PTPRN2: variants seen among roughly 807,000 people sequenced by gnomAD.
The protein encoded by PTPRN2 is receptor-type tyrosine-protein phosphatase N2.
A neutral mutation model predicts 118.8 loss-of-function variants in PTPRN2; 74 were observed. That is an observed-to-expected ratio of 0.62 (90% CI 0.52 to 0.76). The LOEUF (loss-of-function observed/expected upper bound fraction) is 0.76. Ranked by LOEUF, PTPRN2 falls within the 30% of genes least tolerant of loss-of-function variation. PTPRN2 has a pLI of 0.00. For missense variants in PTPRN2, 1,481 were observed against 1,394.4 expected (o/e 1.06, Z -0.99); for synonymous variants, 641 against 608.0 (o/e 1.05, Z -0.80).
chr7:158,276,614 A>G (rs1278347875), intron 3 of PTPRN2, among the ~76,000 whole-genome samples: 1 of 140,360 alleles, frequency 7.1e-6, no homozygotes, highest in Non-Finnish European at 1.6e-5. Context: ...CTTCTTTATT[A>G]ACTTGGCCCC....
At chr7:157,545,436 GGTGTGTGCAGGT>G (rs1466566089) in intron 22 of PTPRN2, among the ~76,000 whole-genome samples, 6 of 149,634 alleles carry the variant, frequency 4.0e-5, no homozygotes, top group African/African-American at 1.5e-4. Context: ...TGTATGCATG[GGTGTGTGCAGGT>G]GTGTGGGTGT....
At position 157,845,295 on chromosome 7, in the gene PTPRN2, C is replaced by T. The variant is rs987705659; in HGVS notation, c.1788+53378G>A. ...CGATGGCCTTTCTGTCCTCCCTGCACCACCCAGAGGACATACACAGAGTGA... is the reference window on the plus strand; with the variant it reads ...CGATGGCCTTTCTGTCCTCCCTGCATCACCCAGAGGACATACACAGAGTGA... On this transcript the variant is annotated intron_variant, in intron 12 of 22. Coordinates refer to ENST00000389418, the MANE Select transcript of PTPRN2 (RefSeq NM_002847.5). This position sits in a 1 kb window ranked among gnomAD's most constrained non-coding sequence, Gnocchi z 4.5. Among the ~76,000 whole-genome samples, 1 of 152,214 alleles carries T rather than the reference C, an allele frequency of 6.6e-6. No homozygotes were observed. The highest frequency in any genetic ancestry group is 1.5e-5 in the Non-Finnish European group (1 of 68,046).
chr7:158,208,667 T>G (rs553297086), intron 3 of PTPRN2, among the ~76,000 whole-genome samples: 1 of 152,276 alleles, frequency 6.6e-6, no homozygotes, highest in African/African-American at 2.4e-5. Context: ...TTCTTCCGTC[T>G]GAAATAAAAG....
rs1162890191 is a variant in PTPRN2, at chr7:158,482,703, A to G, written c.163+7032T>C. On this transcript the variant is annotated intron_variant, in intron 2 of 22. Coordinates refer to ENST00000389418, the MANE Select transcript of PTPRN2 (RefSeq NM_002847.5). Reference sequence around the variant, plus strand: ...GCAGTGCCCTGGAATTGAACCCACAATATCTCCGAGGTCTGCCTGTAGATG... The same window carrying G: ...GCAGTGCCCTGGAATTGAACCCACAGTATCTCCGAGGTCTGCCTGTAGATG... Among the ~76,000 whole-genome samples, 6 of 152,098 alleles carry G rather than the reference A, an allele frequency of 3.9e-5. 1 individual carries two copies. Among genetic ancestry groups the G allele is most frequent in the Admixed American group, 3.9e-4 (6 of 15,278 alleles).
intron 12 of PTPRN2, among the ~76,000 whole-genome samples, chr7:157,816,007 A>T (rs1319301395): frequency 6.6e-6 from 1 of 152,306 alleles, no homozygotes; most frequent in Non-Finnish European, 1.5e-5. Flanking sequence ...AGATGTGAAG[A>T]TGTGCTCTCA....
rs748862088 is a variant in PTPRN2, at chr7:157,674,256, C to T, written c.2001+8469G>A. Among the ~76,000 whole-genome samples the T allele has an allele frequency of 6.6e-6, 1 of 152,146 alleles. No homozygotes were observed. Among genetic ancestry groups the T allele is most frequent in the Non-Finnish European group, 1.5e-5 (1 of 68,016 alleles). On this transcript the variant is annotated intron_variant, in intron 13 of 22. Transcript: ENST00000389418. The surrounding 1 kb of genome is among the most constrained non-coding windows in gnomAD (Gnocchi z 4.5). ...GGACTTGGGCCTGGGAGAGAAGAGACAGCCAGGCGGCGAGGGACTTGTCCT... is the reference window on the plus strand; with the variant it reads ...GGACTTGGGCCTGGGAGAGAAGAGATAGCCAGGCGGCGAGGGACTTGTCCT...
At chr7:158,523,228 G>T (rs955536592) in intron 1 of PTPRN2, among the ~76,000 whole-genome samples, 1 of 152,174 alleles carries the variant, frequency 6.6e-6, no homozygotes, top group African/African-American at 2.4e-5. Context: ...TGTGACCAGG[G>T]GCGGGGGTGG....
At chr7:157,556,501 TACAC>T (rs757917085) in intron 21 of PTPRN2, among the ~76,000 whole-genome samples, 17 of 127,908 alleles carry the variant, frequency 1.3e-4, no homozygotes, top group South Asian at 1.0e-3. Context: ...TGCACACACA[TACAC>T]ACACAGGCAT....
intron 3 of PTPRN2, among the ~76,000 whole-genome samples, chr7:158,265,590 T>C (rs550241139): frequency 1.3e-5 from 2 of 152,324 alleles, no homozygotes; most frequent in African/African-American, 4.8e-5. Flanking sequence ...TCCCAGACTC[T>C]GGGTGAAGGG....
chr7:158,577,543 A>C (rs1828403591), intron 1 of PTPRN2, among the ~76,000 whole-genome samples: 2 of 148,478 alleles, frequency 1.3e-5, no homozygotes, highest in Admixed American at 1.3e-4. Flanking sequence ...CCTGCACAAC[A>C]CTGAGGGCTC....
chr7:157,717,505 C>T (rs777755414), intron 12 of PTPRN2, among the ~76,000 whole-genome samples: 42 of 152,250 alleles, frequency 2.8e-4, no homozygotes, highest in Non-Finnish European at 5.1e-4. Flanking sequence ...CAATTGACCG[C>T]GGAAGCCAGT....
At position 158,046,285 on chromosome 7, in the gene PTPRN2, C is replaced by T. The variant is rs561065099; in HGVS notation, c.1723+35013G>A. ...TTGTTCTGTCCAGGAGCAGAAACTG[C>T]GATCCTGGCATCCTGACGCTGCGAT... On this transcript the variant is annotated intron_variant, in intron 11 of 22. Coordinates refer to ENST00000389418, the MANE Select transcript of PTPRN2 (RefSeq NM_002847.5). 4.1e-4 allele frequency among the ~76,000 whole-genome samples: 59 copies of T among 145,554 alleles called. No homozygotes were observed. In the South Asian group the frequency reaches 5.9e-3, roughly 14 times the overall value.
rs551044709 is a variant in PTPRN2 at position 157,861,295 on chromosome 7, G to A, written c.1788+37378C>T. On this transcript the variant is annotated intron_variant, in intron 12 of 22. Coordinates refer to ENST00000389418, the MANE Select transcript of PTPRN2 (RefSeq NM_002847.5). The surrounding 1 kb of genome is among the most constrained non-coding windows in gnomAD (Gnocchi z 5.8). ...CCGAAGCCCTCTGTGGGGAATCCGT[G>A]GGAGGATGAGAGGCCTGGATTGCAC... is the stretch of plus-strand genomic sequence containing the variant. 1.2e-3 allele frequency among the ~76,000 whole-genome samples: 187 copies of A among 152,354 alleles called. No individual in the cohort carries two copies. Among genetic ancestry groups the A allele is most frequent in the African/African-American group, 4.4e-3 (183 of 41,590 alleles).
intron 2 of PTPRN2, among the ~76,000 whole-genome samples, chr7:158,400,468 T>A (rs191151074): frequency 5.3e-5 from 8 of 152,232 alleles, no homozygotes; most frequent in African/African-American, 1.9e-4. Flanking sequence ...AGCCATTAAG[T>A]CCAACGGGAT....
chr7:158,363,042 G>A (rs552926720), intron 2 of PTPRN2, among the ~76,000 whole-genome samples: 8 of 152,168 alleles, frequency 5.3e-5, no homozygotes, highest in South Asian at 4.1e-4. Context: ...AGCTGTCTCC[G>A]CAGGATTATG....
In PTPRN2 at chr7:157,571,506, G is replaced by A; in HGVS notation, c.2784-13C>T. The A allele has an allele frequency of 1.3e-6, 2 of 1,596,022 alleles. No homozygotes were observed. The highest frequency in any genetic ancestry group is 1.7e-6 in the Non-Finnish European group (2 of 1,167,156). ...CTTGTTTACTTTTCTGAAATAAAAA[G>A]AGATATAAAAATTATCGTTGTGTAC... On this transcript the variant is annotated splice_polypyrimidine_tract_variant and intron_variant, in intron 19 of 22. Coordinates refer to ENST00000389418, the MANE Select transcript of PTPRN2 (RefSeq NM_002847.5).
chr7:158,336,731 A>G (rs1464463810), intron 2 of PTPRN2, among the ~76,000 whole-genome samples: 1 of 118,744 alleles, frequency 8.4e-6, no homozygotes, highest in Admixed American at 8.3e-5. Context: ...AAAAGAGCTG[A>G]CGCCCGCAGA....
intron 2 of PTPRN2, among the ~76,000 whole-genome samples, chr7:158,473,445 G>C (rs536997734): frequency 6.6e-6 from 1 of 152,266 alleles, no homozygotes; most frequent in Non-Finnish European, 1.5e-5. Flanking sequence ...GCCTCTGCAC[G>C]GCCTCTGCTG....
At chr7:157,549,108 G>C in intron 21 of PTPRN2, 89 bp from the exon 22 acceptor site, 2 of 1,260,062 alleles carry the variant, frequency 1.6e-6, no homozygotes, top group East Asian at 4.7e-5. Flanking sequence ...GTTCCCTCTG[G>C]GCTGAGAGGC....
Sources: gnomAD v4.1 joint callset for allele counts (sites outside exome capture counted in the v4.1 genomes callset) on GRCh38, gnomAD v4.1.1 for gene constraint, Gnocchi (gnomAD v3.1) non-coding constraint, MANE v1.5 for transcripts, NCBI Gene and HGNC (gene_info 2026-07-23, HGNC 2026-07-21) for gene names.